TAFA1: variants seen among roughly 807,000 people sequenced by gnomAD.
TAFA1 encodes TAFA chemokine like family member 1.
TAFA1 carries 4 observed loss-of-function variants against 18.5 expected under a neutral mutation model. The ratio of observed to expected loss-of-function variants is 0.22; its 90% CI spans 0.11 to 0.49. The LOEUF is 0.49. Among genes scored for constraint, TAFA1 ranks in the 20% least tolerant of loss-of-function variants. The pLI is 0.98. For missense variants in TAFA1, 147 were observed against 169.0 expected (o/e 0.87, Z 0.72); for synonymous variants, 56 against 55.2 (o/e 1.01, Z -0.06).
At chr3:68,196,108 T>G (rs752365623) in intron 2 of TAFA1, among the ~76,000 whole-genome samples, 3 of 151,786 alleles carry the variant, frequency 2.0e-5, no homozygotes, top group Non-Finnish European at 2.9e-5. Context: ...AGGTATATAT[T>G]AAGTGGATAC....
chr3:68,023,743 G>A (rs1191123246), intron 2 of TAFA1, among the ~76,000 whole-genome samples: 3 of 151,344 alleles, frequency 2.0e-5, no homozygotes, highest in Non-Finnish European at 4.4e-5. Context: ...ATAATCCAGT[G>A]TGTGAATCAA....
chr3:68,145,973 C>G (rs1371714547), intron 2 of TAFA1, among the ~76,000 whole-genome samples: 1 of 152,156 alleles, frequency 6.6e-6, no homozygotes, highest in Non-Finnish European at 1.5e-5. Flanking sequence ...TCTATCACTG[C>G]CCTCCCTGTC....
At chr3:68,121,778 A>G (rs1247620018) in intron 2 of TAFA1, among the ~76,000 whole-genome samples, 1 of 152,150 alleles carries the variant, frequency 6.6e-6, no homozygotes, top group Non-Finnish European at 1.5e-5. Context: ...ATCAATTGAC[A>G]ATGAATTCAA....
At chr3:68,524,884 G>T (rs2073084038) in intron 3 of TAFA1, among the ~76,000 whole-genome samples, 1 of 152,030 alleles carries the variant, frequency 6.6e-6, no homozygotes, top group African/African-American at 2.4e-5. Flanking sequence ...TGTTAGCCAG[G>T]ATGGTCTGGA....
chr3:68,099,410 A>G (rs186103683), intron 2 of TAFA1, among the ~76,000 whole-genome samples: 2 of 152,302 alleles, frequency 1.3e-5, no homozygotes, highest in Admixed American at 6.5e-5. Context: ...AAAATGCTCA[A>G]TATCACTAAT....
At chr3:68,243,293 A>C (rs1420678485) in intron 2 of TAFA1, among the ~76,000 whole-genome samples, 2 of 152,172 alleles carry the variant, frequency 1.3e-5, no homozygotes, top group East Asian at 3.9e-4. Context: ...CATTGGTAAA[A>C]TCTACAGAGC....
intron 2 of TAFA1, among the ~76,000 whole-genome samples, chr3:68,400,889 T>C (rs953443167): frequency 6.6e-6 from 1 of 152,178 alleles, no homozygotes; most frequent in African/African-American, 2.4e-5. Flanking sequence ...TGACGAGAAC[T>C]GTGTCAGGTG....
At chr3:68,315,355 C>T (rs1429805398) in intron 2 of TAFA1, among the ~76,000 whole-genome samples, 2 of 152,120 alleles carry the variant, frequency 1.3e-5, no homozygotes, top group Admixed American at 6.6e-5. Context: ...GTCCTCTCAG[C>T]TTGCTTTGGG....
At position 68,440,257 on chromosome 3, in the gene TAFA1, C is replaced by A. The variant is rs191177480; in HGVS notation, c.259+22837C>A. Among the ~76,000 whole-genome samples the A allele has an allele frequency of 3.1e-3, 471 of 152,304 alleles. 9 individuals are homozygous for A. Among genetic ancestry groups the A allele is most frequent in the African/African-American group, 0.01 (427 of 41,580 alleles). ...CTGTCACCATGTGAAACATGCCTTTCACCTCCCACCATGATTGTGAGGCCT... is the reference window on the plus strand; with the variant it reads ...CTGTCACCATGTGAAACATGCCTTTAACCTCCCACCATGATTGTGAGGCCT... On this transcript the variant is annotated intron_variant, in intron 3 of 4. Coordinates refer to ENST00000478136, the MANE Select transcript of TAFA1 (RefSeq NM_213609.4).
intron 3 of TAFA1, among the ~76,000 whole-genome samples, chr3:68,447,388 T>TC (rs1029208922): frequency 6.6e-6 from 1 of 152,306 alleles, no homozygotes. Flanking sequence ...CTCCATTCTG[T>TC]CCACTGCAGT....
chr3:68,163,830 T>C (rs1043548386), intron 2 of TAFA1, among the ~76,000 whole-genome samples: 5 of 152,184 alleles, frequency 3.3e-5, no homozygotes, highest in African/African-American at 1.2e-4. Flanking sequence ...GGAAGGAGCA[T>C]GTAAGTAGAC....
At chr3:68,290,774 T>G (rs1339131826) in intron 2 of TAFA1, among the ~76,000 whole-genome samples, 1 of 152,150 alleles carries the variant, frequency 6.6e-6, no homozygotes, top group Non-Finnish European at 1.5e-5. Flanking sequence ...TCCAATATGT[T>G]TAACTATTAA....
intron 1 of TAFA1, among the ~76,000 whole-genome samples, chr3:68,005,314 C>T (rs1268198368): frequency 6.6e-6 from 1 of 152,116 alleles, no homozygotes; most frequent in Non-Finnish European, 1.5e-5. Flanking sequence ...AAAGTGAATG[C>T]TCCATCTGAA....
At chr3:68,020,303 A>G (rs1704659881) in intron 2 of TAFA1, among the ~76,000 whole-genome samples, 2 of 152,044 alleles carry the variant, frequency 1.3e-5, no homozygotes, top group African/African-American at 4.8e-5. Flanking sequence ...GACAGGGGAA[A>G]CTTGGTATAC....
chr3:68,100,340 C>G (rs1559520189), intron 2 of TAFA1, among the ~76,000 whole-genome samples: 1 of 151,874 alleles, frequency 6.6e-6, no homozygotes, highest in African/African-American at 2.4e-5. Flanking sequence ...CAAAAATTAG[C>G]CGGGCATGGT....
chr3:68,120,906 T>A (rs1015528763), intron 2 of TAFA1, among the ~76,000 whole-genome samples: 3 of 152,214 alleles, frequency 2.0e-5, no homozygotes, highest in Non-Finnish European at 4.4e-5. Context: ...AATGTGATGA[T>A]TATTTCCAGT....
chr3:68,317,259 A>G (rs533544091), intron 2 of TAFA1, among the ~76,000 whole-genome samples: 15 of 152,294 alleles, frequency 9.8e-5, no homozygotes, highest in Admixed American at 2.0e-4. Flanking sequence ...CTTCAAGTGA[A>G]AGGTTATCAA....
intron 2 of TAFA1, among the ~76,000 whole-genome samples, chr3:68,032,021 T>C (rs1471054897): frequency 2.0e-5 from 3 of 152,208 alleles, no homozygotes; most frequent in Non-Finnish European, 4.4e-5. Context: ...CATCTAAGTC[T>C]TGATATTTTT....
intron 2 of TAFA1, among the ~76,000 whole-genome samples, chr3:68,108,587 G>GT (rs2065230411): frequency 6.6e-6 from 1 of 151,948 alleles, no homozygotes; most frequent in Non-Finnish European, 1.5e-5. Context: ...TGGGATTAAG[G>GT]TTCCTGGAAA....
Sources: allele counts gnomAD v4.1 joint callset (sites outside exome capture counted in the v4.1 genomes callset), GRCh38; gene constraint gnomAD v4.1.1; transcripts MANE v1.5; gene names NCBI Gene and HGNC (gene_info 2026-07-23, HGNC 2026-07-21).